The following EPC2 variants were observed in gnomAD, a reference collection of about 807,000 sequenced individuals.
EPC2 encodes enhancer of polycomb 2, also known as enhancer of polycomb homolog 2.
Under a neutral mutation model 92.1 loss-of-function variants are expected in EPC2, and 14 were observed. The ratio of observed to expected loss-of-function variants is 0.15; its 90% CI spans 0.10 to 0.24. EPC2 has a LOEUF of 0.24. Among genes scored for constraint, EPC2 ranks in the 10% least tolerant of loss-of-function variants. The pLI is 1.00. For missense variants in EPC2, 755 were observed against 971.5 expected, an observed-to-expected ratio of 0.78 and a Z score of 2.96; for synonymous variants, 340 against 334.7, an observed-to-expected ratio of 1.02 and a Z score of -0.17.
intron 1 of EPC2, among the ~76,000 whole-genome samples, chr2:148,657,174 G>A (rs536659263): frequency 2.0e-5 from 3 of 152,204 alleles, no homozygotes; most frequent in East Asian, 1.9e-4. Flanking sequence ...AAACTGTTAC[G>A]GAGGATGGAC....
intron 2 of EPC2, among the ~76,000 whole-genome samples, chr2:148,721,232 C>A (rs771756143): frequency 6.6e-6 from 1 of 152,058 alleles, no homozygotes; most frequent in Admixed American, 6.6e-5. Context: ...GCAACAAAGT[C>A]CTCAATTTTT....
chr2:148,688,228 C>G (rs1032430604), intron 1 of EPC2, among the ~76,000 whole-genome samples: 4 of 152,112 alleles, frequency 2.6e-5, no homozygotes, highest in African/African-American at 9.7e-5. Context: ...TACTATGCAG[C>G]CATAAAAAAT....
At chr2:148,712,231 TTG>T (rs1385235107) in intron 2 of EPC2, among the ~76,000 whole-genome samples, 1 of 151,754 alleles carries the variant, frequency 6.6e-6, no homozygotes, top group African/African-American at 2.4e-5. Flanking sequence ...ATCATACTGT[TTG>T]TGTGTGTGGG....
chr2:148,683,117 G>C (rs1429868122), intron 1 of EPC2, among the ~76,000 whole-genome samples: 1 of 151,516 alleles, frequency 6.6e-6, no homozygotes, highest in Admixed American at 6.6e-5. Flanking sequence ...GGGGAAACAG[G>C]TGGTGTTTGC....
intron 2 of EPC2, among the ~76,000 whole-genome samples, chr2:148,697,499 C>G (rs1323411331): frequency 6.6e-6 from 1 of 152,004 alleles, no homozygotes; most frequent in East Asian, 1.9e-4. Context: ...AAAAGGGAAC[C>G]ATGAGAGTAA....
At chr2:148,712,881 TA>T (rs1299540034) in intron 2 of EPC2, among the ~76,000 whole-genome samples, 1 of 151,936 alleles carries the variant, frequency 6.6e-6, no homozygotes, top group Non-Finnish European at 1.5e-5. Flanking sequence ...AGATCCCATC[TA>T]AAAAAGGAAA....
At chr2:148,667,758 G>GT (rs1272959647) in intron 1 of EPC2, among the ~76,000 whole-genome samples, 10 of 151,884 alleles carry the variant, frequency 6.6e-5, no homozygotes, top group Non-Finnish European at 1.0e-4. Context: ...GTTAGTTGTA[G>GT]TTTTTTTTGT....
At chr2:148,682,884 CT>C (rs1317416687) in intron 1 of EPC2, among the ~76,000 whole-genome samples, 7 of 152,142 alleles carry the variant, frequency 4.6e-5, no homozygotes, top group Non-Finnish European at 7.4e-5. Flanking sequence ...TACTCCCATT[CT>C]TTTCTCTACC....
intron 1 of EPC2, among the ~76,000 whole-genome samples, chr2:148,662,010 A>G (rs1680944964): frequency 6.6e-6 from 1 of 152,240 alleles, no homozygotes; most frequent in Non-Finnish European, 1.5e-5. Context: ...GGCAAAGGAT[A>G]TGAACAGACA....
intron 2 of EPC2, among the ~76,000 whole-genome samples, chr2:148,730,837 A>G (rs1682604878): frequency 6.6e-6 from 1 of 152,242 alleles, no homozygotes; most frequent in African/African-American, 2.4e-5. Flanking sequence ...GATATACAAC[A>G]GCACTATTGC....
At chr2:148,740,468 G>A (rs984305663) in intron 2 of EPC2, among the ~76,000 whole-genome samples, 2 of 152,090 alleles carry the variant, frequency 1.3e-5, no homozygotes, top group Admixed American at 6.6e-5. Context: ...TAGACTGCTA[G>A]TGCAAGTCTT....
chr2:148,689,812 A>G (rs1681608516), intron 1 of EPC2, among the ~76,000 whole-genome samples: 1 of 152,222 alleles, frequency 6.6e-6, no homozygotes, highest in East Asian at 1.9e-4. Flanking sequence ...TAAAGTTTGA[A>G]GTAATAAATG....
chr2:148,690,411 A>G (rs1574584490), intron 2 of EPC2, 38 bp downstream of exon 2: 1 of 1,508,354 alleles, frequency 6.6e-7, no homozygotes. Flanking sequence ...TTTGTACTTT[A>G]AATTTATCAA....
At chr2:148,645,458 C>T (rs530410038) in intron 1 of EPC2, 37 of 374,854 alleles carry the variant, frequency 9.9e-5, no homozygotes, top group African/African-American at 3.6e-4. Flanking sequence ...GCAGGGGATG[C>T]GCTGGCCGCT....
At chr2:148,769,415 C>T (rs992497565) in intron 8 of EPC2, among the ~76,000 whole-genome samples, 175 bp downstream of exon 8, 9 of 152,126 alleles carry the variant, frequency 5.9e-5, no homozygotes, top group East Asian at 1.9e-4. Flanking sequence ...TTTCAAAGGG[C>T]GTCGGAATCC....
At chr2:148,738,501 G>A (rs182120491) in intron 2 of EPC2, among the ~76,000 whole-genome samples, 3 of 152,322 alleles carry the variant, frequency 2.0e-5, no homozygotes, top group South Asian at 4.1e-4. Context: ...TAAATTTAAA[G>A]TACTTTTGAT....
intron 2 of EPC2, among the ~76,000 whole-genome samples, chr2:148,694,033 G>T (rs944793083): frequency 2.0e-5 from 3 of 152,080 alleles, no homozygotes; most frequent in African/African-American, 7.2e-5. Context: ...CATGTGGTTA[G>T]GTGTGCAGTT....
intron 3 of EPC2, among the ~76,000 whole-genome samples, chr2:148,748,420 C>T (rs910405318): frequency 2.6e-5 from 4 of 151,954 alleles, no homozygotes; most frequent in Admixed American, 6.6e-5. Flanking sequence ...TTTCATCTTC[C>T]TTCTAGTTGG....
chr2:148,684,943 G>C (rs548272892), intron 1 of EPC2, among the ~76,000 whole-genome samples: 1 of 152,078 alleles, frequency 6.6e-6, no homozygotes, highest in Admixed American at 6.5e-5. Flanking sequence ...AGTATAAATC[G>C]TCTCATAAAA....
Sources: allele counts gnomAD v4.1 joint callset (sites outside exome capture counted in the v4.1 genomes callset), GRCh38; gene constraint gnomAD v4.1.1; transcripts MANE v1.5; gene names NCBI Gene and HGNC (gene_info 2026-07-23, HGNC 2026-07-21).